KLF1: variants seen among roughly 807,000 people sequenced by gnomAD.
KLF1 encodes KLF transcription factor 1.
In KLF1, 29 loss-of-function variants were observed where a neutral mutation model predicts 28.0. The observed-to-expected ratio is 1.04, with a 90% confidence interval of 0.77 to 1.41. The LOEUF (loss-of-function observed/expected upper bound fraction) is 1.41, where lower values mean the gene tolerates loss of function less well. Among genes scored for constraint, KLF1 ranks in the 40% most tolerant of loss-of-function variants. The pLI is 0.00. For synonymous variants in KLF1, 262 were observed against 242.6 expected (o/e 1.08, Z -0.74); for missense variants, 508 against 515.1 (o/e 0.99, Z 0.13).
At position 12,884,928 on chromosome 19, in the gene KLF1, G is replaced by A. The variant is rs866392401; in HGVS notation, c.1046C>T (p.Ser349Leu). The change falls in exon 3 of 3, where the codon TCG (serine) becomes TTG (leucine). Residue 349 changes from serine to leucine, a missense_variant. Physicochemically the swap from Ser to Leu is moderately radical, Grantham distance 145. Transcript: ENST00000264834. The part of the protein sequence containing the change: ...FRCQLCPRAF[S>L]RSDHLALHMK... Reference sequence around the variant, plus strand: ...GTGCAAGGCCAGGTGGTCAGAGCGCGAAAAAGCACGTGGGCAGAGCTGGCA... The same window carrying A: ...GTGCAAGGCCAGGTGGTCAGAGCGCAAAAAAGCACGTGGGCAGAGCTGGCA... 5 of 1,613,850 alleles carry A rather than the reference G, an allele frequency of 3.1e-6. No homozygotes were observed. Among genetic ancestry groups the A allele is most frequent in the Admixed American group, 1.7e-5 (1 of 60,012 alleles).
Position 12,885,393 on chromosome 19 carries a change from G to A in KLF1, c.837C>T (p.His279=). The A allele has an allele frequency of 6.2e-7, 1 of 1,606,208 alleles. No individual in the cohort carries two copies. The highest frequency in any genetic ancestry group is 2.2e-5 in the East Asian group (1 of 44,514). The change falls in exon 2 of 3, where the codon CAC becomes CAT. Residue 279 remains histidine (H), a synonymous_variant. Transcript: ENST00000264834. The surrounding 1 kb of genome is among the most constrained non-coding windows in gnomAD (Gnocchi z 5.6). ...TGCCGCAACCCGGGTGCGCGCACGT[G>A]TGCGCTGCCTGCCTCTTGCGCGCCC... is the stretch of plus-strand genomic sequence containing the variant. ...RSWARKRQAA[H]TCAHPGCGKS... is the part of the protein sequence containing the mutation.
At chr19:12,886,972 G>T in intron 1 of KLF1, 82 bp downstream of exon 1, 2 of 1,357,578 alleles carry the variant, frequency 1.5e-6, no homozygotes, top group Non-Finnish European at 2.1e-6. Context: ...TTCAGGTCAA[G>T]ATGCAGGTCT....
chr19:12,884,975 G>C lies in KLF1; in HGVS notation c.999C>G (p.His333Gln). 2 of 1,613,540 alleles carry C rather than the reference G, an allele frequency of 1.2e-6. No homozygotes were observed. The highest frequency in any genetic ancestry group is 1.7e-6 in the Non-Finnish European group (2 of 1,180,022). Residue 333 changes from histidine to glutamine, a missense_variant, in exon 3 of 3, where the codon CAC (histidine) becomes CAG (glutamine). Transcript: ENST00000264834. ...SDELTRHYRK[H>Q]TGQRPFRCQL... ...GGCAGCGGAAGGGGCGCTGCCCCGTGTGTTTCCGGTAGTGGCGGGTCAGCT... is the reference window on the plus strand; with the variant it reads ...GGCAGCGGAAGGGGCGCTGCCCCGTCTGTTTCCGGTAGTGGCGGGTCAGCT...
At chr19:12,886,976 C>T in intron 1 of KLF1, 78 bp downstream of exon 1, 4 of 1,382,874 alleles carry the variant, frequency 2.9e-6, no homozygotes, top group Non-Finnish European at 4.1e-6. Flanking sequence ...GGTCAAGATG[C>T]AGGTCTGGAC....
intron 1 of KLF1, 89 bp from the exon 2 acceptor site, chr19:12,886,231 G>C: frequency 1.1e-6 from 1 of 933,556 alleles, no homozygotes; most frequent in East Asian, 2.7e-5. Context: ...TGACGCAGAG[G>C]CTTTGGAAAG....
At position 12,885,292 on chromosome 19, in the gene KLF1, CAT is replaced by C. The variant is rs1970423839; in HGVS notation, c.913+23_913+24del. 6.4e-7 allele frequency: 1 copy of C among 1,551,250 alleles called. No individual in the cohort carries two copies. The highest frequency in any genetic ancestry group is 8.7e-7 in the Non-Finnish European group (1 of 1,145,160). On this transcript the variant is annotated intron_variant, in intron 2 of 2. Transcript: ENST00000264834. This position sits in a 1 kb window ranked among gnomAD's most constrained non-coding sequence, Gnocchi z 5.6. ...CTACAGCGGGCGCCGCGCCCTTTCT[CAT>C]GTCCGGGGCCCCGCCCCCTCACCTG...
At position 12,884,963 on chromosome 19, in the gene KLF1, G is replaced by A; in HGVS notation, c.1011C>T (p.Arg337=). The stretch of plus-strand genomic sequence containing the variant: ...GTGGGCAGAGCTGGCAGCGGAAGGG[G>A]CGCTGCCCCGTGTGTTTCCGGTAGT... The part of the protein sequence containing the change: ...TRHYRKHTGQ[R]PFRCQLCPRA... The change falls in exon 3 of 3, where the codon CGC becomes CGT. Residue 337 remains arginine (R), a synonymous_variant. Coordinates refer to ENST00000264834, the MANE Select transcript of KLF1 (RefSeq NM_006563.5). The A allele has an allele frequency of 1.9e-6, 3 of 1,613,664 alleles. No individual in the cohort carries two copies. The highest frequency in any genetic ancestry group is 2.5e-6 in the Non-Finnish European group (3 of 1,180,016).
chr19:12,886,959 G>C, intron 1 of KLF1, 95 bp downstream of exon 1: 1 of 1,264,688 alleles, frequency 7.9e-7, no homozygotes. Context: ...TAAGTCTCTT[G>C]ATTTCAGGTC....
rs886054236 is a variant in KLF1 at position 12,885,624 on chromosome 19, C to T, written c.606G>A (p.Gly202=). ...GAGGCGCCGGGTACATCGCGGGGTA[C>T]CCGGACAGTAGCCCGTAGGGGGCGC... ...ASGAPYGLLS[G]YPAMYPAPQY... The change falls in exon 2 of 3, where the codon GGG becomes GGA. Residue 202 remains glycine, a synonymous_variant. Transcript: ENST00000264834. This position sits in a 1 kb window ranked among gnomAD's most constrained non-coding sequence, Gnocchi z 5.6. The T allele has an allele frequency of 4.5e-6, 7 of 1,550,534 alleles. No homozygotes were observed. In the South Asian group the frequency reaches 4.8e-5, roughly 11 times the overall value.
Position 12,885,102 on chromosome 19 carries a change from C to T in KLF1, c.914-42G>A, listed in dbSNP as rs1451904479. The T allele has an allele frequency of 1.3e-6, 2 of 1,595,804 alleles. No individual in the cohort carries two copies. The highest frequency in any genetic ancestry group is 2.2e-5 in the East Asian group (1 of 44,796). On this transcript the variant is annotated intron_variant, in intron 2 of 2. Coordinates refer to ENST00000264834, the MANE Select transcript of KLF1 (RefSeq NM_006563.5). This position sits in a 1 kb window ranked among gnomAD's most constrained non-coding sequence, Gnocchi z 5.6. ...CCATAAGCGCCACTGTCTGCCCAGT[C>T]ATGTCCCCGGGTCCCCTGCATCTGG...
chr19:12,885,077 C>T lies in KLF1; in HGVS notation c.914-17G>A, dbSNP rs1419580683. On this transcript the variant is annotated splice_polypyrimidine_tract_variant and intron_variant, in intron 2 of 2. Coordinates refer to ENST00000264834, the MANE Select transcript of KLF1 (RefSeq NM_006563.5). This position sits in a 1 kb window ranked among gnomAD's most constrained non-coding sequence, Gnocchi z 5.6. ...GCTTCTCCCCTAGGGGACAAGGAAG[C>T]CATAAGCGCCACTGTCTGCCCAGTC... 3 of 1,601,578 alleles carry T rather than the reference C, an allele frequency of 1.9e-6. No individual in the cohort carries two copies. Among genetic ancestry groups the T allele is most frequent in the South Asian group, 2.2e-5 (2 of 91,024 alleles).
Position 12,884,859 on chromosome 19 carries a change from G to A in KLF1, c.*26C>T, listed in dbSNP as rs756335370. ...CTTCTTGTCCCATCCCCAGTCACTAGGAGAGTCCAAGTGCCAGGGCAGGGC... is the reference window on the plus strand; with the variant it reads ...CTTCTTGTCCCATCCCCAGTCACTAAGAGAGTCCAAGTGCCAGGGCAGGGC... On this transcript the variant is annotated 3_prime_UTR_variant, in exon 3 of 3. Coordinates refer to ENST00000264834, the MANE Select transcript of KLF1 (RefSeq NM_006563.5). 4 of 1,612,532 alleles carry A rather than the reference G, an allele frequency of 2.5e-6. No individual in the cohort carries two copies. In the Admixed American group the frequency reaches 6.7e-5, roughly 27 times the overall value.
chr19:12,886,025 C>A lies in KLF1; in HGVS notation c.205G>T (p.Ala69Ser). The change falls in exon 2 of 3, where the codon GCG becomes TCG. Residue 69 changes from alanine to serine, a missense_variant. Coordinates refer to ENST00000264834, the MANE Select transcript of KLF1 (RefSeq NM_006563.5). ...PGEEEDDERG[A>S]DATWDLDLLL... Reference sequence around the variant, plus strand: ...AGATCCAGGTCCCAGGTGGCGTCCGCGCCCCTCTCATCGTCCTCTTCCTCC... The same window carrying A: ...AGATCCAGGTCCCAGGTGGCGTCCGAGCCCCTCTCATCGTCCTCTTCCTCC... 1 of 1,604,684 alleles carries A rather than the reference C, an allele frequency of 6.2e-7. No individual in the cohort carries two copies. The highest frequency in any genetic ancestry group is 8.5e-7 in the Non-Finnish European group (1 of 1,176,478).
chr19:12,885,329 G>A lies in KLF1; in HGVS notation c.901C>T (p.Arg301Cys), dbSNP rs1476770255. The stretch of plus-strand genomic sequence containing the variant: ...CCCGCCCCCTCACCTGTGTGCGTGC[G>A]CAGATGCGCCTTCAGGTGGGAGCTC... Reference protein sequence around the residue: ...TKSSHLKAHLRTHTGEKPYAC... With the variant: ...TKSSHLKAHLCTHTGEKPYAC... The change falls in exon 2 of 3, where the codon CGC becomes TGC. Residue 301 changes from arginine to cysteine, a missense_variant. Physicochemically the swap from Arg to Cys is radical, Grantham distance 180 (BLOSUM62 -3). Coordinates refer to ENST00000264834, the MANE Select transcript of KLF1 (RefSeq NM_006563.5). This position sits in a 1 kb window ranked among gnomAD's most constrained non-coding sequence, Gnocchi z 5.6. 6 of 1,590,278 alleles carry A rather than the reference G, an allele frequency of 3.8e-6. No individual in the cohort carries two copies. The South Asian group carries it at 6.8e-5, about 18-fold the overall frequency.
At position 12,885,989 on chromosome 19, in the gene KLF1, T is replaced by C; in HGVS notation, c.241A>G (p.Asn81Asp). Residue 81 changes from asparagine (N) to aspartate (D), a missense_variant, in exon 2 of 3, where the codon AAC (asparagine) becomes GAC (aspartate). Physicochemically the swap from Asn to Asp is conservative, Grantham distance 23. Transcript: ENST00000264834. This position sits in a 1 kb window ranked among gnomAD's most constrained non-coding sequence, Gnocchi z 5.6. ...CCACCGGGCTCCGGGCCCGAGAAGT[T>C]GGTGAGGAGGAGATCCAGGTCCCAG... ...ATWDLDLLLT[N>D]FSGPEPGGAP... 3 of 1,592,330 alleles carry C rather than the reference T, an allele frequency of 1.9e-6. No homozygotes were observed. The African/African-American group carries it at 4.0e-5, about 21-fold the overall frequency.
rs1188384599 is a variant in KLF1, at chr19:12,885,386, C to G, written c.844G>C (p.Ala282Pro). 1 of 1,605,690 alleles carries G rather than the reference C, an allele frequency of 6.2e-7. No homozygotes were observed. Among genetic ancestry groups the G allele is most frequent in the Admixed American group, 1.7e-5 (1 of 59,130 alleles). The change falls in exon 2 of 3, where the codon GCG becomes CCG. Residue 282 changes from alanine (A) to proline (P), a missense_variant. Transcript: ENST00000264834. The surrounding 1 kb of genome is among the most constrained non-coding windows in gnomAD (Gnocchi z 5.6). ...ARKRQAAHTC[A>P]HPGCGKSYTK... ...TAGCTCTTGCCGCAACCCGGGTGCG[C>G]GCACGTGTGCGCTGCCTGCCTCTTG...
chr19:12,887,077 C>A lies in KLF1; in HGVS notation c.64G>T (p.Asp22Tyr). The A allele has an allele frequency of 6.2e-7, 1 of 1,614,152 alleles. No homozygotes were observed. Among genetic ancestry groups the A allele is most frequent in the Non-Finnish European group, 8.5e-7 (1 of 1,180,018 alleles). ...STLTALGPFP[D>Y]TQDDFLKWWR... is the part of the protein sequence containing the mutation. ...ACCTTGAGGAAGTCATCCTGTGTGTCCGGGAAGGGGCCCAGGGCGGTCAGT... is the reference window on the plus strand; with the variant it reads ...ACCTTGAGGAAGTCATCCTGTGTGTACGGGAAGGGGCCCAGGGCGGTCAGT... The change falls in exon 1 of 3, where the codon GAC (aspartate) becomes TAC (tyrosine). Residue 22 changes from aspartate (D) to tyrosine (Y), a missense_variant. Physicochemically the swap from Asp to Tyr is radical, Grantham distance 160. Coordinates refer to ENST00000264834, the MANE Select transcript of KLF1 (RefSeq NM_006563.5). This position sits in a 1 kb window ranked among gnomAD's most constrained non-coding sequence, Gnocchi z 4.7.
Position 12,885,625 on chromosome 19 carries a change from C to A in KLF1, c.605G>T (p.Gly202Val). 6.5e-7 allele frequency: 1 copy of A among 1,550,374 alleles called. No individual in the cohort carries two copies. Among genetic ancestry groups the A allele is most frequent in the Non-Finnish European group, 8.7e-7 (1 of 1,147,466 alleles). The stretch of plus-strand genomic sequence containing the variant: ...AGGCGCCGGGTACATCGCGGGGTAC[C>A]CGGACAGTAGCCCGTAGGGGGCGCC... ...ASGAPYGLLS[G>V]YPAMYPAPQY... The change falls in exon 2 of 3, where the codon GGG becomes GTG. Residue 202 changes from glycine to valine, a missense_variant. By Grantham distance (109) the Gly-to-Val change is moderately radical. Coordinates refer to ENST00000264834, the MANE Select transcript of KLF1 (RefSeq NM_006563.5). The surrounding 1 kb of genome is among the most constrained non-coding windows in gnomAD (Gnocchi z 5.6).
At position 12,885,598 on chromosome 19, in the gene KLF1, T is replaced by C. The variant is rs765026103; in HGVS notation, c.632A>G (p.Gln211Arg). The C allele has an allele frequency of 1.0e-5, 16 of 1,556,046 alleles. 1 individual carries two copies. The South Asian group carries it at 1.4e-4, about 14-fold the overall frequency. The change falls in exon 2 of 3, where the codon CAG (glutamine) becomes CGG (arginine). Residue 211 changes from glutamine (Q) to arginine (R), a missense_variant. Physicochemically the swap from Gln to Arg is conservative, Grantham distance 43 (BLOSUM62 1). Transcript: ENST00000264834. This position sits in a 1 kb window ranked among gnomAD's most constrained non-coding sequence, Gnocchi z 5.6. ...SGYPAMYPAPQYQGHFQLFRG... is the reference protein window; with the variant it reads ...SGYPAMYPAPRYQGHFQLFRG... ...GAAGAGCTGGAAGTGCCCTTGGTAC[T>C]GAGGCGCCGGGTACATCGCGGGGTA...
Sources: allele counts gnomAD v4.1 joint callset, GRCh38; gene constraint gnomAD v4.1.1; non-coding constraint Gnocchi (gnomAD v3.1); transcripts MANE v1.5; gene names NCBI Gene and HGNC (gene_info 2026-07-23, HGNC 2026-07-21).